The following DOK5 variants were observed in gnomAD, a reference collection of about 807,000 sequenced individuals.
The protein encoded by DOK5 is docking protein 5.
A neutral mutation model predicts 43.3 loss-of-function variants in DOK5; 27 were observed. The ratio of observed to expected loss-of-function variants is 0.62; its 90% CI spans 0.46 to 0.86. The LOEUF is 0.86. Ranked by LOEUF, DOK5 falls within the 40% of genes least tolerant of loss-of-function variation. The pLI, the probability that DOK5 is intolerant of heterozygous loss-of-function variation, is 0.00. For synonymous variants in DOK5, 146 were observed against 140.1 expected (o/e 1.04, Z -0.30); for missense variants, 373 against 392.9 (o/e 0.95, Z 0.43).
chr20:54,613,946 T>C (rs564725290), intron 6 of DOK5, among the ~76,000 whole-genome samples: 31 of 151,698 alleles, frequency 2.0e-4, no homozygotes, highest in Middle Eastern at 3.5e-3. Flanking sequence ...GTGAGCTAGG[T>C]TCCCGCCACT....
chr20:54,610,139 A>G (rs6068914), intron 5 of DOK5, among the ~76,000 whole-genome samples: 44,299 of 152,152 alleles, frequency 0.29, 7,330 homozygotes, highest in African/African-American at 0.42. Flanking sequence ...TTTAAAAAAA[A>G]TTTCTGTTTT....
intron 5 of DOK5, among the ~76,000 whole-genome samples, chr20:54,601,858 C>G (rs1986307547): frequency 6.6e-6 from 1 of 152,212 alleles, no homozygotes; most frequent in Non-Finnish European, 1.5e-5. Flanking sequence ...CCTAGTTTTT[C>G]TTTAATTAAA....
chr20:54,538,256 A>T (rs558430690), intron 1 of DOK5, among the ~76,000 whole-genome samples: 8 of 151,972 alleles, frequency 5.3e-5, no homozygotes, highest in Non-Finnish European at 1.0e-4. Flanking sequence ...ATTGATATTA[A>T]GGGAGGACCT....
At chr20:54,528,151 G>T (rs1458391931) in intron 1 of DOK5, among the ~76,000 whole-genome samples, 1 of 152,148 alleles carries the variant, frequency 6.6e-6, no homozygotes, top group Non-Finnish European at 1.5e-5. Flanking sequence ...AGGTTGCAGT[G>T]AGCTGAGATC....
At chr20:54,613,958 C>G (rs1380366637) in intron 6 of DOK5, among the ~76,000 whole-genome samples, 1 of 151,680 alleles carries the variant, frequency 6.6e-6, no homozygotes, top group Non-Finnish European at 1.5e-5. Context: ...CCCGCCACTG[C>G]ACTCCAGTCT....
intron 5 of DOK5, among the ~76,000 whole-genome samples, chr20:54,605,177 C>T (rs1284511575): frequency 2.0e-5 from 3 of 151,956 alleles, no homozygotes; most frequent in Non-Finnish European, 2.9e-5. Context: ...GCACAGAATA[C>T]ATCTTGGAAG....
intron 2 of DOK5, among the ~76,000 whole-genome samples, chr20:54,557,920 C>T (rs1007853845): frequency 3.3e-5 from 5 of 152,168 alleles, no homozygotes; most frequent in Non-Finnish European, 5.9e-5. Flanking sequence ...GCATAAAATA[C>T]GGTCTACAAA....
At chr20:54,642,549 C>CAA (rs66463305) in intron 6 of DOK5, among the ~76,000 whole-genome samples, 16,193 of 96,048 alleles carry the variant, frequency 0.17, 2,154 homozygotes, top group African/African-American at 0.43. Flanking sequence ...ACTAAAAATA[C>CAA]AAAAAAAAAA....
intron 1 of DOK5, among the ~76,000 whole-genome samples, chr20:54,529,477 A>T (rs1451574574): frequency 6.6e-6 from 1 of 152,138 alleles, no homozygotes; most frequent in African/African-American, 2.4e-5. Context: ...TTGGCATAGC[A>T]TGTGCCAGGC....
At chr20:54,557,788 C>T (rs1036746572) in intron 2 of DOK5, among the ~76,000 whole-genome samples, 2 of 152,172 alleles carry the variant, frequency 1.3e-5, no homozygotes, top group African/African-American at 2.4e-5. Context: ...TTCTTGACTC[C>T]CTTGTTGGAA....
chr20:54,524,087 T>C (rs1458511721), intron 1 of DOK5, among the ~76,000 whole-genome samples: 3 of 152,052 alleles, frequency 2.0e-5, no homozygotes, highest in Non-Finnish European at 4.4e-5. Flanking sequence ...ACTCCATGCA[T>C]CTCCCAGTTC....
intron 6 of DOK5, among the ~76,000 whole-genome samples, chr20:54,639,246 G>T (rs568821474): frequency 1.3e-5 from 2 of 152,296 alleles, no homozygotes; most frequent in East Asian, 3.9e-4. Context: ...TTGCAGTCTT[G>T]CTCAGCTCCT....
chr20:54,589,038 T>C (rs975888231), intron 4 of DOK5, among the ~76,000 whole-genome samples: 3 of 152,232 alleles, frequency 2.0e-5, no homozygotes, highest in African/African-American at 7.2e-5. Context: ...GTTAGAAATT[T>C]TGGGGAACCT....
At chr20:54,537,170 G>C (rs1294231577) in intron 1 of DOK5, among the ~76,000 whole-genome samples, 1 of 152,180 alleles carries the variant, frequency 6.6e-6, no homozygotes, top group Non-Finnish European at 1.5e-5. Flanking sequence ...TATCAAGTAT[G>C]ATTTTCTGGG....
intron 1 of DOK5, among the ~76,000 whole-genome samples, chr20:54,496,972 A>G (rs1390590404): frequency 6.6e-6 from 1 of 152,136 alleles, no homozygotes; most frequent in Non-Finnish European, 1.5e-5. Context: ...GGCTCAGAGC[A>G]TAAACCTCTG....
intron 5 of DOK5, among the ~76,000 whole-genome samples, chr20:54,602,055 G>T (rs1284920211): frequency 2.0e-5 from 3 of 152,122 alleles, no homozygotes; most frequent in African/African-American, 7.2e-5. Context: ...CTGGGTTGCA[G>T]CTGCCCGCAT....
chr20:54,618,568 C>T (rs951225321), intron 6 of DOK5, among the ~76,000 whole-genome samples: 2 of 152,174 alleles, frequency 1.3e-5, no homozygotes, highest in Non-Finnish European at 2.9e-5. Flanking sequence ...TGGCCTTGAA[C>T]TCCTGACCTT....
intron 5 of DOK5, among the ~76,000 whole-genome samples, chr20:54,596,767 T>C (rs925575858): frequency 2.0e-5 from 3 of 152,172 alleles, no homozygotes; most frequent in Admixed American, 2.0e-4. Flanking sequence ...GAAAAGAAAC[T>C]CATTGACTTC....
At chr20:54,590,626 C>T (rs1214781420) in intron 4 of DOK5, among the ~76,000 whole-genome samples, 2 of 151,954 alleles carry the variant, frequency 1.3e-5, no homozygotes, top group South Asian at 2.1e-4. Flanking sequence ...AATAGTAGAT[C>T]GCGGAACACA....
Sources: gnomAD v4.1 joint callset for allele counts (sites outside exome capture counted in the v4.1 genomes callset) on GRCh38, gnomAD v4.1.1 for gene constraint, MANE v1.5 for transcripts, NCBI Gene and HGNC (gene_info 2026-07-23, HGNC 2026-07-21) for gene names.